Variants in TPH2 observed in about 807,000 individuals in gnomAD.
The protein encoded by TPH2 is tryptophan 5-hydroxylase 2.
In TPH2, 27 loss-of-function variants were observed where a neutral mutation model predicts 59.1. The observed-to-expected ratio is 0.46, with a 90% CI of 0.34 to 0.63. TPH2 has a LOEUF of 0.63. TPH2 is among the 30% of genes least tolerant of loss of function. The pLI, the probability that TPH2 is intolerant of heterozygous loss-of-function variation, is 0.01. For synonymous variants in TPH2, 220 were observed against 210.5 expected (o/e 1.05, Z -0.39); for missense variants, 523 against 588.3 (o/e 0.89, Z 1.15).
At chr12:71,957,862 G>A (rs544230995) in intron 5 of TPH2, among the ~76,000 whole-genome samples, 3 of 152,292 alleles carry the variant, frequency 2.0e-5, no homozygotes, top group Admixed American at 6.5e-5. Flanking sequence ...GGATAAGCTC[G>A]CAACAGGGCT....
intron 7 of TPH2, 112 bp downstream of exon 7, chr12:71,979,199 G>C: frequency 2.8e-6 from 4 of 1,447,100 alleles, no homozygotes; most frequent in Non-Finnish European, 1.9e-6. Flanking sequence ...CCTTGAGCTA[G>C]TGAGAGTCAC....
At chr12:71,995,852 A>C (rs1872680645) in intron 8 of TPH2, among the ~76,000 whole-genome samples, 1 of 152,234 alleles carries the variant, frequency 6.6e-6, no homozygotes, top group African/African-American at 2.4e-5. Context: ...TTATTAAAAA[A>C]AGTCCCACCA....
At chr12:71,982,912 A>C (rs923500790) in intron 7 of TPH2, among the ~76,000 whole-genome samples, 8 of 152,232 alleles carry the variant, frequency 5.3e-5, no homozygotes, top group African/African-American at 1.9e-4. Flanking sequence ...CTTTCAACAC[A>C]CATTGGATTT....
chr12:71,986,821 C>T (rs1170130605), intron 7 of TPH2, among the ~76,000 whole-genome samples: 2 of 152,112 alleles, frequency 1.3e-5, no homozygotes, highest in Non-Finnish European at 2.9e-5. Context: ...TATGTATTTT[C>T]AGGTGTGGAA....
intron 8 of TPH2, among the ~76,000 whole-genome samples, chr12:71,998,971 AT>A (rs1452537578): frequency 4.6e-5 from 7 of 152,306 alleles, no homozygotes; most frequent in Middle Eastern, 3.4e-3. Flanking sequence ...TATTTAGTGA[AT>A]TTAAGCACTT....
chr12:72,031,483 G>T (rs181237139), intron 10 of TPH2, 38 bp from the exon 11 acceptor site: 12 of 1,612,910 alleles, frequency 7.4e-6, no homozygotes, highest in African/African-American at 6.7e-5. Flanking sequence ...ACCAATGAGG[G>T]TTGATCACAT....
At position 71,974,004 on chromosome 12, in the gene TPH2, C is replaced by T. The variant is rs367848618; in HGVS notation, c.805+1289C>T. The stretch of plus-strand genomic sequence containing the variant: ...AAGAGGCAAAGTTTCACGGTGGTCC[C>T]GCTTTCTCCTCTGTTTTTCCTTGTG... On this transcript the variant is annotated intron_variant, in intron 6 of 10. Transcript: ENST00000333850. Among the ~76,000 whole-genome samples, 552 of 152,116 alleles carry T rather than the reference C, an allele frequency of 3.6e-3. 8 individuals carry two copies. In the South Asian group the frequency reaches 0.037, roughly 10 times the overall value.
intron 7 of TPH2, among the ~76,000 whole-genome samples, chr12:71,980,579 C>T (rs982405569): frequency 2.6e-5 from 4 of 152,024 alleles, no homozygotes; most frequent in Admixed American, 6.5e-5. Flanking sequence ...GGACCCCAGA[C>T]ATTTGGAAAA....
intron 7 of TPH2, among the ~76,000 whole-genome samples, chr12:71,982,015 A>ATGTTTTTTTTTTTTTTTTTTTTTTT (rs1872292842): frequency 1.7e-5 from 1 of 60,488 alleles, no homozygotes; most frequent in Non-Finnish European, 3.4e-5. Flanking sequence ...TATCATTCGT[A>ATGTTTTTTTTTTTTTTTTTTTTTTT]TTTTTTTTTT....
chr12:71,985,190 G>A (rs906807861), intron 7 of TPH2, among the ~76,000 whole-genome samples: 24 of 152,170 alleles, frequency 1.6e-4, no homozygotes, highest in Non-Finnish European at 2.9e-5. Context: ...ATTGCCCAAG[G>A]TAACACAGCT....
intron 5 of TPH2, chr12:71,965,463 T>G (rs10784943): frequency 0.79 from 119,511 of 152,104 alleles, 47,213 homozygotes; most frequent in Non-Finnish European, 0.83. Context: ...TTTTTGACTT[T>G]TAAATAATAA....
chr12:71,964,774 G>A, intron 5 of TPH2: 3 of 984,742 alleles, frequency 3.0e-6, no homozygotes, highest in Non-Finnish European at 3.6e-6. Context: ...ATTTTGTGAT[G>A]ATGAATTTTT....
Position 71,990,349 on chromosome 12 carries a change from G to A in TPH2, c.942-4090G>A, listed in dbSNP as rs151067702. On this transcript the variant is annotated intron_variant, in intron 7 of 10. Coordinates refer to ENST00000333850, the MANE Select transcript of TPH2 (RefSeq NM_173353.4). ...AGTGGCATTTGCACTTTGTAAAATAGAGTTTAATAGCATAATTTCAGCCCA... is the reference window on the plus strand; with the variant it reads ...AGTGGCATTTGCACTTTGTAAAATAAAGTTTAATAGCATAATTTCAGCCCA... 4.2e-3 allele frequency among the ~76,000 whole-genome samples: 633 copies of A among 152,258 alleles called. 7 individuals carry two copies. Among genetic ancestry groups the A allele is most frequent in the African/African-American group, 0.014 (599 of 41,538 alleles).
intron 5 of TPH2, among the ~76,000 whole-genome samples, chr12:71,966,266 G>C (rs1204980402): frequency 6.6e-6 from 1 of 151,636 alleles, no homozygotes; most frequent in African/African-American, 2.4e-5. Context: ...TTTTTTAAAG[G>C]ATTCTGTGGT....
intron 5 of TPH2, among the ~76,000 whole-genome samples, chr12:71,971,396 A>G (rs1871970186): frequency 6.6e-6 from 1 of 152,196 alleles, no homozygotes; most frequent in African/African-American, 2.4e-5. Flanking sequence ...TGAGTATGTC[A>G]TGAGAGGTTT....
Position 71,939,507 on chromosome 12 carries a change from TTG to T in TPH2, c.105+420_105+421del, listed in dbSNP as rs766483479. ...AATTTCCACGGTTTTCAGAAGATCATTGTGTCTCCTACACCCCCTTCAGTTTA... is the reference window on the plus strand; with the variant it reads ...AATTTCCACGGTTTTCAGAAGATCATTGTCTCCTACACCCCCTTCAGTTTA... On this transcript the variant is annotated intron_variant, in intron 1 of 10. Coordinates refer to ENST00000333850, the MANE Select transcript of TPH2 (RefSeq NM_173353.4). Among the ~76,000 whole-genome samples the T allele has an allele frequency of 2.0e-5, 3 of 151,984 alleles. No homozygotes were observed. The East Asian group carries it at 5.8e-4, about 29-fold the overall frequency.
intron 5 of TPH2, among the ~76,000 whole-genome samples, chr12:71,950,013 C>T (rs1224559680): frequency 2.6e-5 from 4 of 152,132 alleles, no homozygotes; most frequent in East Asian, 1.9e-4. Flanking sequence ...CCTGCTTCCC[C>T]GATGAAAGTA....
chr12:71,980,989 A>T (rs1056211212), intron 7 of TPH2, among the ~76,000 whole-genome samples: 18 of 152,308 alleles, frequency 1.2e-4, no homozygotes, highest in African/African-American at 4.3e-4. Flanking sequence ...AAAACAAATA[A>T]TTAGGAAATA....
chr12:72,001,082 G>T (rs1872810232), intron 8 of TPH2, among the ~76,000 whole-genome samples: 1 of 152,190 alleles, frequency 6.6e-6, no homozygotes, highest in Non-Finnish European at 1.5e-5. Flanking sequence ...CATCTGTGGG[G>T]GAAGCAATCA....
Sources: gnomAD v4.1 joint callset for allele counts (sites outside exome capture counted in the v4.1 genomes callset) on GRCh38, gnomAD v4.1.1 for gene constraint, MANE v1.5 for transcripts, NCBI Gene and HGNC (gene_info 2026-07-23, HGNC 2026-07-21) for gene names.